The following SUCLG1 variants were observed in gnomAD, a reference collection of about 807,000 sequenced individuals.
SUCLG1 encodes succinate-CoA ligase GDP/ADP-forming subunit alpha.
In SUCLG1, 26 loss-of-function variants were observed where a neutral mutation model predicts 37.3. That is an observed-to-expected ratio of 0.70 (90% CI 0.51 to 0.97). The LOEUF is 0.97. Among genes scored for constraint, SUCLG1 ranks in the 50% least tolerant of loss-of-function variants. SUCLG1 has a pLI of 0.00. For synonymous variants in SUCLG1, 163 were observed against 155.6 expected, an observed-to-expected ratio of 1.05 and a Z score of -0.36; for missense variants, 433 against 432.9, an observed-to-expected ratio of 1.00 and a Z score of 0.00.
At chr2:84,437,789 A>C (rs1164697362) in intron 5 of SUCLG1, among the ~76,000 whole-genome samples, 1 of 152,254 alleles carries the variant, frequency 6.6e-6, no homozygotes, top group Non-Finnish European at 1.5e-5. Context: ...TGTAATTGTA[A>C]TAGGCCAAAC....
intron 1 of SUCLG1, among the ~76,000 whole-genome samples, chr2:84,456,231 C>T (rs373695274): frequency 3.7e-4 from 57 of 152,096 alleles, no homozygotes; most frequent in African/African-American, 1.3e-3. Flanking sequence ...ATCACTAAGA[C>T]TGCCAAAAAA....
chr2:84,456,328 G>A (rs966193777), intron 1 of SUCLG1, among the ~76,000 whole-genome samples: 1 of 152,176 alleles, frequency 6.6e-6, no homozygotes, highest in East Asian at 1.9e-4. Context: ...CTGGGTGCTA[G>A]TATCACTTCT....
intron 8 of SUCLG1, among the ~76,000 whole-genome samples, chr2:84,424,391 T>G (rs1360985497): frequency 6.6e-6 from 1 of 152,194 alleles, no homozygotes; most frequent in Non-Finnish European, 1.5e-5. Context: ...CAATGTGAAT[T>G]TAAGCATTTG....
At chr2:84,440,880 T>A (rs1672758075) in intron 5 of SUCLG1, among the ~76,000 whole-genome samples, 167 bp downstream of exon 5, 1 of 152,214 alleles carries the variant, frequency 6.6e-6, no homozygotes, top group Non-Finnish European at 1.5e-5. Flanking sequence ...TCAAATAAAC[T>A]CATTATATTC....
At position 84,441,422 on chromosome 2, in the gene SUCLG1, T is replaced by A. The variant is rs778891473; in HGVS notation, c.356A>T (p.Tyr119Phe). ...EQTGATASVIYVPPPFAAAAI... is the reference protein window; with the variant it reads ...EQTGATASVIFVPPPFAAAAI... ...AGCAGCAGCAAAAGGCGGAGGAACA[T>A]AAATGACAGAAGCCGTTGCTCCTGT... Residue 119 changes from tyrosine to phenylalanine, a missense_variant, in exon 4 of 9, where the codon TAT (tyrosine) becomes TTT (phenylalanine). Transcript: ENST00000393868. 8.7e-6 allele frequency: 14 copies of A among 1,614,036 alleles called. No individual in the cohort carries two copies. Among genetic ancestry groups the A allele is most frequent in the Non-Finnish European group, 1.2e-5 (14 of 1,180,036 alleles).
chr2:84,456,879 G>T (rs1475748035), intron 1 of SUCLG1, among the ~76,000 whole-genome samples: 1 of 152,060 alleles, frequency 6.6e-6, no homozygotes, highest in Non-Finnish European at 1.5e-5. Flanking sequence ...GGCCAGGCTG[G>T]TCTTGAACTC....
chr2:84,448,326 T>C (rs377264976), intron 2 of SUCLG1, among the ~76,000 whole-genome samples: 2 of 152,224 alleles, frequency 1.3e-5, no homozygotes, highest in South Asian at 2.1e-4. Context: ...GACAATATTT[T>C]CTATGGCTGC....
intron 7 of SUCLG1, among the ~76,000 whole-genome samples, chr2:84,430,256 C>T (rs900695539): frequency 3.3e-5 from 5 of 152,164 alleles, no homozygotes; most frequent in Admixed American, 2.6e-4. Context: ...CTTTGCTATA[C>T]GTTACTAAGT....
At chr2:84,425,004 C>T (rs1448186805) in intron 8 of SUCLG1, among the ~76,000 whole-genome samples, 1 of 152,146 alleles carries the variant, frequency 6.6e-6, no homozygotes, top group Non-Finnish European at 1.5e-5. Flanking sequence ...AGCCTCCAAC[C>T]TCCTCTCCCT....
intron 5 of SUCLG1, among the ~76,000 whole-genome samples, chr2:84,435,245 A>T (rs1168263157): frequency 6.6e-6 from 1 of 152,214 alleles, no homozygotes; most frequent in Non-Finnish European, 1.5e-5. Context: ...TTCAAGGTCC[A>T]CATTAAATGC....
chr2:84,426,036 GT>G, intron 7 of SUCLG1: 1 of 261,342 alleles, frequency 3.8e-6, no homozygotes, highest in South Asian at 4.3e-5. Flanking sequence ...GAGGTGGGAA[GT>G]ATACTGGAAA....
chr2:84,448,170 G>GAAAAAAAAAA (rs60206307), intron 2 of SUCLG1, among the ~76,000 whole-genome samples: 7 of 137,704 alleles, frequency 5.1e-5, no homozygotes, highest in African/African-American at 1.4e-4. Context: ...AGTTATTTCA[G>GAAAAAAAAAA]AAAAAAAAAA....
chr2:84,438,714 G>T (rs893264097), intron 5 of SUCLG1, among the ~76,000 whole-genome samples: 7 of 152,174 alleles, frequency 4.6e-5, no homozygotes, highest in Non-Finnish European at 4.4e-5. Context: ...GACTTCCTGG[G>T]TTGAGTGGGG....
In SUCLG1 at chr2:84,425,522, T is replaced by C. The variant is rs1194034596; in HGVS notation, c.907A>G (p.Ile303Val). ...PGRRMGHAGA[I>V]IAGGKGGAKE... ...GCTCCACCTTTTCCTCCAGCAATAA[T>C]TGCCCCGGCATGACCCATTCTTCTC... The change falls in exon 8 of 9, where the codon ATT (isoleucine) becomes GTT (valine). Residue 303 changes from isoleucine (I) to valine (V), a missense_variant. By Grantham distance (29) the Ile-to-Val change is conservative. Coordinates refer to ENST00000393868, the MANE Select transcript of SUCLG1 (RefSeq NM_003849.4). 5 of 1,614,182 alleles carry C rather than the reference T, an allele frequency of 3.1e-6. No individual in the cohort carries two copies. The highest frequency in any genetic ancestry group is 2.2e-5 in the East Asian group (1 of 44,888).
At chr2:84,430,300 G>C (rs1672595803) in intron 7 of SUCLG1, among the ~76,000 whole-genome samples, 1 of 152,174 alleles carries the variant, frequency 6.6e-6, no homozygotes, top group African/African-American at 2.4e-5. Context: ...AATAACTCTA[G>C]GAGGCAGGCA....
rs144887899 is a variant in SUCLG1, at chr2:84,435,862, G to A, written c.590-2427C>T. 4.0e-3 allele frequency among the ~76,000 whole-genome samples: 608 copies of A among 152,284 alleles called. 2 individuals carry two copies. Among genetic ancestry groups the A allele is most frequent in the Non-Finnish European group, 6.4e-3 (433 of 68,034 alleles). ...TCTGAATCATCTCTCAGGGTGTGCT[G>A]TCTCTTTAAATAAACACTGCCACTA... On this transcript the variant is annotated intron_variant, in intron 5 of 8. Coordinates refer to ENST00000393868, the MANE Select transcript of SUCLG1 (RefSeq NM_003849.4).
At chr2:84,430,936 A>G (rs1672604287) in intron 7 of SUCLG1, among the ~76,000 whole-genome samples, 1 of 152,212 alleles carries the variant, frequency 6.6e-6, no homozygotes, top group African/African-American at 2.4e-5. Context: ...GAATGAAATG[A>G]TGACATAACT....
At chr2:84,454,315 C>T (rs1363295082) in intron 1 of SUCLG1, among the ~76,000 whole-genome samples, 1 of 152,202 alleles carries the variant, frequency 6.6e-6, no homozygotes, top group Non-Finnish European at 1.5e-5. Context: ...ACATATAATA[C>T]ATTTGTAAAG....
chr2:84,450,313 C>T (rs529915941), intron 1 of SUCLG1, among the ~76,000 whole-genome samples: 8 of 147,620 alleles, frequency 5.4e-5, no homozygotes, highest in African/African-American at 2.0e-4. Context: ...AAATATAATA[C>T]AAAATCACTT....
Sources: allele counts gnomAD v4.1 joint callset (sites outside exome capture counted in the v4.1 genomes callset), GRCh38; gene constraint gnomAD v4.1.1; transcripts MANE v1.5; gene names NCBI Gene and HGNC (gene_info 2026-07-23, HGNC 2026-07-21).